The following SLC71A2 variants were observed in gnomAD, a reference collection of about 807,000 sequenced individuals.
SLC71A2 encodes the protein hippocampus abundant transcript-like 1.
the SLC71A2 span, among the ~76,000 whole-genome samples, chr9:94,404,576 A>G: frequency 5.9e-5 from 9 of 152,202 alleles, no homozygotes; most frequent in Non-Finnish European, 8.8e-5. Flanking sequence ...GATTACATAC[A>G]TACATGAGCC....
the SLC71A2 span, among the ~76,000 whole-genome samples, chr9:94,423,971 A>G: frequency 1.1e-4 from 16 of 152,278 alleles, no homozygotes; most frequent in East Asian, 3.1e-3. Flanking sequence ...TAATTGGTTT[A>G]TTGTTCTCAT....
At chr9:94,441,840 G>A in the SLC71A2 span, among the ~76,000 whole-genome samples, 12 of 152,178 alleles carry the variant, frequency 7.9e-5, no homozygotes, top group Non-Finnish European at 1.6e-4. Flanking sequence ...AAACCTGACA[G>A]TGTTTCTGAT....
chr9:94,376,721 T>G, the SLC71A2 span, among the ~76,000 whole-genome samples: 1 of 93,804 alleles, frequency 1.1e-5, no homozygotes, highest in Non-Finnish European at 2.1e-5. Flanking sequence ...TGTTAGTATT[T>G]TGTAATATTC....
chr9:94,455,182 G>GTTTTT, the SLC71A2 span, among the ~76,000 whole-genome samples: 1 of 11,706 alleles, frequency 8.5e-5, no homozygotes, highest in Non-Finnish European at 1.3e-4. Context: ...TTTTTTTTTT[G>GTTTTT]AGAGAGAGAG....
chr9:94,439,542 A>AC, the SLC71A2 span, among the ~76,000 whole-genome samples: 1 of 142,600 alleles, frequency 7.0e-6, no homozygotes, highest in African/African-American at 2.6e-5. Flanking sequence ...CTATTAATAG[A>AC]TTTTTTTTTT....
At chr9:94,445,076 T>G in the SLC71A2 span, 1 of 1,614,202 alleles carries the variant, frequency 6.2e-7, no homozygotes, top group Non-Finnish European at 8.5e-7. Context: ...GTGGCTCTTC[T>G]GGACATCTGC....
chr9:94,379,148 G>A, the SLC71A2 span, among the ~76,000 whole-genome samples: 1 of 148,692 alleles, frequency 6.7e-6, no homozygotes, highest in African/African-American at 2.5e-5. Flanking sequence ...GTGCAATGGT[G>A]TGATCTTGGC....
At chr9:94,408,848 G>T in the SLC71A2 span, among the ~76,000 whole-genome samples, 1 of 142,844 alleles carries the variant, frequency 7.0e-6, no homozygotes, top group African/African-American at 2.6e-5. Context: ...TTTTGAGACG[G>T]AGTCTCGCTC....
the SLC71A2 span, among the ~76,000 whole-genome samples, chr9:94,421,502 C>A: frequency 6.6e-6 from 1 of 152,236 alleles, no homozygotes; most frequent in Middle Eastern, 3.4e-3. Context: ...TGAGATTAAT[C>A]CATGTTGTAT....
the SLC71A2 span, chr9:94,451,432 AGT>A: frequency 1.6e-6 from 2 of 1,227,210 alleles, no homozygotes; most frequent in East Asian, 2.5e-5. Flanking sequence ...ATATTACTAA[AGT>A]GTTTTCATTT....
At chr9:94,377,238 C>G in the SLC71A2 span, among the ~76,000 whole-genome samples, 1 of 151,794 alleles carries the variant, frequency 6.6e-6, no homozygotes, top group Non-Finnish European at 1.5e-5. Flanking sequence ...TCCTATAGCC[C>G]CTATATGAAT....
chr9:94,402,819 GA>G, the SLC71A2 span, among the ~76,000 whole-genome samples: 1 of 152,298 alleles, frequency 6.6e-6, no homozygotes, highest in South Asian at 2.1e-4. Flanking sequence ...TAATCCTCTA[GA>G]AGCTAATAGT....
chr9:94,460,383 AACT>A, the SLC71A2 span: 1 of 152,626 alleles, frequency 6.6e-6, no homozygotes. Flanking sequence ...CTCCTGCCTT[AACT>A]GCTCTGAGTA....
chr9:94,425,543 T>C, the SLC71A2 span, among the ~76,000 whole-genome samples: 1 of 152,050 alleles, frequency 6.6e-6, no homozygotes, highest in Non-Finnish European at 1.5e-5. Context: ...AGTCAGTTCC[T>C]GAGTTGGGGC....
At chr9:94,452,048 T>C in the SLC71A2 span, among the ~76,000 whole-genome samples, 2 of 152,228 alleles carry the variant, frequency 1.3e-5, no homozygotes, top group African/African-American at 4.8e-5. Flanking sequence ...AGGAGAACTT[T>C]GATACAACTT....
the SLC71A2 span, among the ~76,000 whole-genome samples, chr9:94,452,594 C>A: frequency 0.07 from 10,326 of 147,320 alleles, 552 homozygotes; most frequent in African/African-American, 0.15. Flanking sequence ...GAGACTCCAT[C>A]TCAAAAAAGA....
the SLC71A2 span, among the ~76,000 whole-genome samples, chr9:94,442,707 G>A: frequency 1.3e-5 from 2 of 151,832 alleles, no homozygotes; most frequent in African/African-American, 2.4e-5. Flanking sequence ...AAAATTAGCC[G>A]AGCGTGGTGG....
the SLC71A2 span, among the ~76,000 whole-genome samples, chr9:94,457,660 C>G: frequency 1.3e-5 from 2 of 152,186 alleles, no homozygotes; most frequent in African/African-American, 2.4e-5. Context: ...AGACACCGTC[C>G]TGTCATTTGG....
the SLC71A2 span, among the ~76,000 whole-genome samples, chr9:94,449,711 T>C: frequency 4.3e-3 from 651 of 152,256 alleles, 4 homozygotes; most frequent in African/African-American, 0.015. Context: ...ACTCAGCAAA[T>C]ATACTCCTAG....
Sources: gnomAD v4.1 joint callset for allele counts (sites outside exome capture counted in the v4.1 genomes callset) on GRCh38, gnomAD v4.1.1 for gene constraint, MANE v1.5 for transcripts, NCBI Gene and HGNC (gene_info 2026-07-23, HGNC 2026-07-21) for gene names.